The following DGKI variants were observed in gnomAD, a reference collection of about 807,000 sequenced individuals.
DGKI encodes the protein DAG kinase iota.
A neutral mutation model predicts 147.5 loss-of-function variants in DGKI; 55 were observed. The ratio of observed to expected loss-of-function variants is 0.37; its 90% CI spans 0.30 to 0.47. DGKI has a LOEUF of 0.47. Among genes scored for constraint, DGKI ranks in the 20% least tolerant of loss-of-function variants. The probability of loss-of-function intolerance (pLI) is 1.00; values close to 1 mark genes in which losing one functional copy is unlikely to be tolerated. For synonymous variants in DGKI, 469 were observed against 477.1 expected (o/e 0.98, Z 0.22); for missense variants, 1,007 against 1,323.8 (o/e 0.76, Z 3.71).
intron 20 of DGKI, among the ~76,000 whole-genome samples, chr7:137,527,408 A>C (rs1315372923): frequency 6.6e-6 from 1 of 152,312 alleles, no homozygotes; most frequent in South Asian, 2.1e-4. Flanking sequence ...CGTCAACATC[A>C]GTAGGGATAC....
In DGKI at chr7:137,638,585, C is replaced by T. The variant is rs1325261928; in HGVS notation, c.804+6887G>A. Among the ~76,000 whole-genome samples the T allele has an allele frequency of 2.5e-4, 4 of 15,756 alleles. 1 individual carries two copies. The highest frequency in any genetic ancestry group is 5.3e-4 in the African/African-American group (4 of 7,552). 10.3% of individuals were successfully genotyped at this position (15,756 alleles called of 152,430 possible). On this transcript the variant is annotated intron_variant, in intron 6 of 32. Coordinates refer to ENST00000614521, the MANE Select transcript of DGKI (RefSeq NM_001321708.2). Reference sequence around the variant, plus strand: ...ATATACACACATATATGTATATATACACATATATACATATATGTATATATA... The same window carrying T: ...ATATACACACATATATGTATATATATACATATATACATATATGTATATATA...
intron 23 of DGKI, among the ~76,000 whole-genome samples, chr7:137,478,653 T>G (rs1389824043): frequency 2.0e-5 from 3 of 152,178 alleles, no homozygotes; most frequent in Admixed American, 2.0e-4. Flanking sequence ...CTCTAGTCTC[T>G]GCAGAAGGGT....
At chr7:137,817,787 C>T (rs956688146) in intron 1 of DGKI, among the ~76,000 whole-genome samples, 1 of 152,222 alleles carries the variant, frequency 6.6e-6, no homozygotes, top group African/African-American at 2.4e-5. Flanking sequence ...GAGGCCAATG[C>T]TAAAAGGTAC....
intron 1 of DGKI, among the ~76,000 whole-genome samples, chr7:137,741,173 A>C (rs1201935565): frequency 6.6e-6 from 1 of 152,260 alleles, no homozygotes. Context: ...GGAGAAAAGC[A>C]ATCCAGCAGG....
intron 1 of DGKI, among the ~76,000 whole-genome samples, chr7:137,704,438 A>G (rs1413824891): frequency 6.6e-6 from 1 of 152,160 alleles, no homozygotes; most frequent in Non-Finnish European, 1.5e-5. Flanking sequence ...GTGAGCTTGA[A>G]GATAGGTGAA....
chr7:137,546,038 A>C (rs1563078235), intron 20 of DGKI: 1 of 636,852 alleles, frequency 1.6e-6, no homozygotes, highest in Non-Finnish European at 2.9e-6. Flanking sequence ...GCCAGGGGAG[A>C]GAAAGAGAGA....
rs1287583764 is a variant in DGKI at position 137,387,568 on chromosome 7, G to C, written c.*3652C>G. 1 of 152,080 alleles carries C rather than the reference G, an allele frequency of 6.6e-6. No homozygotes were observed. The highest frequency in any genetic ancestry group is 2.4e-5 in the African/African-American group (1 of 41,406). The allele number at this position is 152,080 out of a possible 1,614,324, so 9.4% of individuals were successfully genotyped here. A position where few individuals can be genotyped will look rare whatever the true frequency, so the allele number is the denominator to read the frequency against. On this transcript the variant is annotated 3_prime_UTR_variant, in exon 33 of 33. Coordinates refer to ENST00000614521, the MANE Select transcript of DGKI (RefSeq NM_001321708.2). ...TATATAAATAAATGTCTATATATGTGTGTAAATGTATATGCGTATATACAT... is the reference window on the plus strand; with the variant it reads ...TATATAAATAAATGTCTATATATGTCTGTAAATGTATATGCGTATATACAT...
At chr7:137,733,368 T>C (rs906128965) in intron 1 of DGKI, among the ~76,000 whole-genome samples, 4 of 152,088 alleles carry the variant, frequency 2.6e-5, no homozygotes, top group African/African-American at 4.8e-5. Flanking sequence ...GTGGCTCATT[T>C]CACTTAGCAT....
intron 10 of DGKI, among the ~76,000 whole-genome samples, chr7:137,603,712 CT>C (rs1322983609): frequency 6.6e-6 from 1 of 152,144 alleles, no homozygotes; most frequent in Non-Finnish European, 1.5e-5. Flanking sequence ...TGAAATGTGT[CT>C]TGAAAAATGA....
chr7:137,843,289 AC>A (rs1798600630), intron 1 of DGKI: 3 of 349,082 alleles, frequency 8.6e-6, no homozygotes, highest in South Asian at 1.1e-4. Context: ...AAAAAAAAAA[AC>A]AGTTCCTACA....
intron 6 of DGKI, among the ~76,000 whole-genome samples, chr7:137,638,428 CTATA>C (rs141779868): frequency 3.0e-5 from 3 of 98,454 alleles, no homozygotes; most frequent in Non-Finnish European, 5.6e-5. Context: ...GCAAGAACAA[CTATA>C]TATATATATA....
At chr7:137,716,233 G>A (rs1794372678) in intron 1 of DGKI, among the ~76,000 whole-genome samples, 1 of 152,154 alleles carries the variant, frequency 6.6e-6, no homozygotes, top group Non-Finnish European at 1.5e-5. Flanking sequence ...TCTTACAACT[G>A]TCTTATTGTA....
At chr7:137,565,220 A>G (rs1818544015) in intron 19 of DGKI, among the ~76,000 whole-genome samples, 1 of 152,198 alleles carries the variant, frequency 6.6e-6, no homozygotes, top group East Asian at 1.9e-4. Context: ...TACATAAATT[A>G]GGCTATATTT....
At chr7:137,642,275 A>G (rs1821656080) in intron 6 of DGKI, among the ~76,000 whole-genome samples, 1 of 118,326 alleles carries the variant, frequency 8.5e-6, no homozygotes, top group Non-Finnish European at 1.5e-5. Flanking sequence ...GGAGCTGGGT[A>G]TCTACTGGGT....
At chr7:137,744,009 C>T (rs1795255513) in intron 1 of DGKI, among the ~76,000 whole-genome samples, 1 of 145,014 alleles carries the variant, frequency 6.9e-6, no homozygotes, top group Non-Finnish European at 1.5e-5. Context: ...AAAAACTAAT[C>T]CCAAAGCTAG....
At chr7:137,748,988 A>T (rs1325879865) in intron 1 of DGKI, among the ~76,000 whole-genome samples, 1 of 152,220 alleles carries the variant, frequency 6.6e-6, no homozygotes, top group Non-Finnish European at 1.5e-5. Flanking sequence ...ATAGACAATA[A>T]CAGCAACTGG....
At chr7:137,582,248 T>C (rs1819222422) in intron 14 of DGKI, among the ~76,000 whole-genome samples, 1 of 152,120 alleles carries the variant, frequency 6.6e-6, no homozygotes, top group Non-Finnish European at 1.5e-5. Context: ...ATATTTGCAA[T>C]AGTTACAGAG....
At chr7:137,703,130 A>G (rs1035451938) in intron 1 of DGKI, among the ~76,000 whole-genome samples, 26 of 152,206 alleles carry the variant, frequency 1.7e-4, no homozygotes, top group African/African-American at 5.8e-4. Context: ...GTTTAACAGG[A>G]AGCATGACTG....
At chr7:137,567,754 T>C (rs1162731582) in intron 19 of DGKI, among the ~76,000 whole-genome samples, 1 of 152,242 alleles carries the variant, frequency 6.6e-6, no homozygotes, top group African/African-American at 2.4e-5. Flanking sequence ...ATTCAGGTAC[T>C]ATTATTTTCA....
Sources: gnomAD v4.1 joint callset for allele counts (sites outside exome capture counted in the v4.1 genomes callset) on GRCh38, gnomAD v4.1.1 for gene constraint, MANE v1.5 for transcripts, NCBI Gene and HGNC (gene_info 2026-07-23, HGNC 2026-07-21) for gene names.